The following PIK3C2B variants were observed in gnomAD, a reference collection of about 807,000 sequenced individuals.
PIK3C2B encodes the protein phosphatidylinositol-4-phosphate 3-kinase catalytic subunit type 2 beta.
A neutral mutation model predicts 184.3 loss-of-function variants in PIK3C2B; 83 were observed. The ratio of observed to expected loss-of-function variants is 0.45; its 90% confidence interval spans 0.38 to 0.54. The LOEUF (loss-of-function observed/expected upper bound fraction) is 0.54, where lower values mean the gene tolerates loss of function less well. PIK3C2B is among the 20% of genes least tolerant of loss of function. The pLI is 0.00. For missense variants in PIK3C2B, 1,736 were observed against 2,113.5 expected, an observed-to-expected ratio of 0.82 and a Z score of 3.50; for synonymous variants, 779 against 837.6, an observed-to-expected ratio of 0.93 and a Z score of 1.21.
In PIK3C2B at chr1:204,447,373, C is replaced by T. The variant is rs3827534; in HGVS notation, c.2489+63G>A. On this transcript the variant is annotated intron_variant, in intron 15 of 32. Transcript: ENST00000684373. This position sits in a 1 kb window ranked among gnomAD's most constrained non-coding sequence, Gnocchi z 4.1. ...CACCTCCACTCCCAAAGCAGGAGGA[C>T]GGAGACTCAGTGCTGGGAGGTCAGA... 0.2 allele frequency: 297,741 copies of T among 1,517,326 alleles called. 32,103 individuals carry two copies. The highest frequency in any genetic ancestry group is 0.44 in the East Asian group (19,381 of 43,782). 94.0% of individuals were successfully genotyped at this position (1,517,326 alleles called of 1,614,324 possible). A position where few individuals can be genotyped will look rare whatever the true frequency, so the allele number is the denominator to read the frequency against.
intron 14 of PIK3C2B, among the ~76,000 whole-genome samples, chr1:204,448,001 C>T (rs531665164): frequency 3.1e-4 from 47 of 152,280 alleles, no homozygotes; most frequent in African/African-American, 1.1e-3. Context: ...CTGGGACACT[C>T]GGTCCCTACT....
At chr1:204,446,185 G>A (rs777962996) in intron 15 of PIK3C2B, 41 bp from the exon 16 acceptor site, 3 of 1,437,312 alleles carry the variant, frequency 2.1e-6, no homozygotes, top group East Asian at 4.7e-5. Context: ...GGGAGGGTAG[G>A]GGGCAGTGAG....
At chr1:204,481,268 CT>C (rs59090154) in intron 1 of PIK3C2B, among the ~76,000 whole-genome samples, 9 of 118,734 alleles carry the variant, frequency 7.6e-5, no homozygotes, top group Middle Eastern at 5.0e-3. Flanking sequence ...AGGTCACATT[CT>C]TTTTTTTTTT....
intron 5 of PIK3C2B, among the ~76,000 whole-genome samples, chr1:204,463,108 A>C (rs16853770): frequency 0.18 from 26,961 of 152,046 alleles, 2,778 homozygotes; most frequent in East Asian, 0.47. Flanking sequence ...TGACTGCCAA[A>C]TCTTATGCTC....
At chr1:204,435,325 C>T (rs1675284506) in intron 23 of PIK3C2B, 1 of 152,168 alleles carries the variant, frequency 6.6e-6, no homozygotes, top group South Asian at 2.1e-4. Context: ...ATCCCCTTAT[C>T]TGTCTTTCCA....
Position 204,443,511 on chromosome 1 carries a change from C to G in PIK3C2B, c.2954G>C (p.Gly985Ala). 2 of 1,614,254 alleles carry G rather than the reference C, an allele frequency of 1.2e-6. No homozygotes were observed. Among genetic ancestry groups the G allele is most frequent in the South Asian group, 1.1e-5 (1 of 91,084 alleles). ...CTGGCGGTTAAACTCTTCTCTCAGCCCCTTGCCACAGCAGCACAGTAAGGC... is the reference window on the plus strand; with the variant it reads ...CTGGCGGTTAAACTCTTCTCTCAGCGCCTTGCCACAGCAGCACAGTAAGGC... ...LAALLCCCGK[G>A]LREEFNRQCW... The change falls in exon 19 of 33, where the codon GGG becomes GCG. Residue 985 changes from glycine (G) to alanine (A), a missense_variant. By Grantham distance (60) the Gly-to-Ala change is moderately conservative. Coordinates refer to ENST00000684373, the MANE Select transcript of PIK3C2B (RefSeq NM_001377334.1).
rs1177006010 is a variant in PIK3C2B at position 204,469,137 on chromosome 1, T to C, written c.666A>G (p.Leu222=). 1 of 1,614,002 alleles carries C rather than the reference T, an allele frequency of 6.2e-7. No homozygotes were observed. Among genetic ancestry groups the C allele is most frequent in the Non-Finnish European group, 8.5e-7 (1 of 1,180,018 alleles). ...TACCATCATAGTCCACAGACCCCAG[T>C]AGGCGCCCCTGACCCCCACCTCCCA... ...EVLGGGGQGR[L]LGSVDYDGIN... The change falls in exon 2 of 33, where the codon CTA becomes CTG. Residue 222 remains leucine, a synonymous_variant. Coordinates refer to ENST00000684373, the MANE Select transcript of PIK3C2B (RefSeq NM_001377334.1).
intron 13 of PIK3C2B, 35 bp from the exon 14 acceptor site, chr1:204,449,331 G>C: frequency 1.3e-6 from 2 of 1,500,900 alleles, no homozygotes; most frequent in Non-Finnish European, 1.8e-6. Flanking sequence ...AGCTGCTAAA[G>C]TGGCTAAGCA....
intron 23 of PIK3C2B, among the ~76,000 whole-genome samples, 175 bp from the exon 24 acceptor site, chr1:204,434,783 A>G (rs1325478621): frequency 1.3e-5 from 2 of 152,190 alleles, no homozygotes; most frequent in African/African-American, 4.8e-5. Context: ...ACACACTTAC[A>G]CACACAGAAA....
At chr1:204,472,899 C>T (rs1461870484) in intron 1 of PIK3C2B, among the ~76,000 whole-genome samples, 2 of 152,202 alleles carry the variant, frequency 1.3e-5, no homozygotes, top group Non-Finnish European at 2.9e-5. Flanking sequence ...AGCCCAACCT[C>T]AGAACTGTGG....
At chr1:204,440,765 T>TTATATATATATATA (rs34842826) in intron 21 of PIK3C2B, among the ~76,000 whole-genome samples, 10 of 140,058 alleles carry the variant, frequency 7.1e-5, no homozygotes, top group African/African-American at 2.6e-4. Flanking sequence ...CCCAGCTAAT[T>TTATATATATATATA]TATATATATA....
At chr1:204,474,255 T>A (rs946498270) in intron 1 of PIK3C2B, among the ~76,000 whole-genome samples, 1 of 152,218 alleles carries the variant, frequency 6.6e-6, no homozygotes, top group African/African-American at 2.4e-5. Context: ...CCCCCCAAAG[T>A]GCTGGGATTA....
intron 2 of PIK3C2B, among the ~76,000 whole-genome samples, chr1:204,465,647 C>A (rs1049478790): frequency 5.4e-5 from 8 of 147,168 alleles, no homozygotes; most frequent in Non-Finnish European, 1.1e-4. Flanking sequence ...GCAACACGGG[C>A]TTTCCGGGGG....
intron 2 of PIK3C2B, among the ~76,000 whole-genome samples, chr1:204,466,183 G>A (rs115223368): frequency 0.015 from 2,301 of 152,302 alleles, 47 homozygotes; most frequent in African/African-American, 0.05. Flanking sequence ...TGCATGACAG[G>A]TTTCTGCCTG....
At chr1:204,461,843 T>A (rs1272765738) in intron 5 of PIK3C2B, among the ~76,000 whole-genome samples, 1 of 152,006 alleles carries the variant, frequency 6.6e-6, no homozygotes, top group African/African-American at 2.4e-5. Flanking sequence ...GGTTCTTATC[T>A]GAGAGCAGCC....
At chr1:204,484,467 G>A (rs976614173) in intron 1 of PIK3C2B, among the ~76,000 whole-genome samples, 9 of 152,128 alleles carry the variant, frequency 5.9e-5, no homozygotes, top group South Asian at 4.1e-4. Context: ...GGCCGGGCGC[G>A]GTGGCTCACT....
Position 204,425,656 on chromosome 1 carries a change from G to C in PIK3C2B, c.4673C>G (p.Thr1558Ser). The C allele has an allele frequency of 6.2e-7, 1 of 1,614,082 alleles. No individual in the cohort carries two copies. The stretch of plus-strand genomic sequence containing the variant: ...ATTGCAGGTTTTCCGGGCCACTTTG[G>C]TTTTCCTCTTAGTGGTTTTCTGAGG... The part of the protein sequence containing the change: ...PDPQKTTKRK[T>S]KVARKTCNPT... The change falls in exon 32 of 33, where the codon ACC (threonine) becomes AGC (serine). Residue 1558 changes from threonine to serine, a missense_variant. Physicochemically the swap from Thr to Ser is moderately conservative, Grantham distance 58 (BLOSUM62 1). Around this residue, in one of 8 missense-constraint regions of PIK3C2B, gnomAD observed 95 missense variants for 164.2 expected, o/e 0.58. Transcript: ENST00000684373.
In PIK3C2B at chr1:204,424,912, G is replaced by C. The variant is rs754750718; in HGVS notation, c.4845C>G (p.Asp1615Glu). ...ACCAGCCGGTCTTCTCCTGAGCCAG[G>C]TCCAGCTCTCGCAGGCGGATGTTCA... The part of the protein sequence containing the change: ...GEVNIRLREL[D>E]LAQEKTGWFA... The change falls in exon 33 of 33, where the codon GAC becomes GAG. Residue 1615 changes from aspartate to glutamate, a missense_variant. By Grantham distance (45) the Asp-to-Glu change is conservative. Around this residue, in one of 8 missense-constraint regions of PIK3C2B, gnomAD observed 95 missense variants for 164.2 expected, o/e 0.58. Coordinates refer to ENST00000684373, the MANE Select transcript of PIK3C2B (RefSeq NM_001377334.1). The C allele has an allele frequency of 6.2e-7, 1 of 1,614,218 alleles. No homozygotes were observed. The highest frequency in any genetic ancestry group is 8.5e-7 in the Non-Finnish European group (1 of 1,180,044).
chr1:204,460,465 C>G (rs543010300), intron 6 of PIK3C2B, 62 bp from the exon 7 acceptor site: 1 of 1,533,646 alleles, frequency 6.5e-7, no homozygotes, highest in Non-Finnish European at 9.0e-7. Flanking sequence ...AGCACTCCTA[C>G]CCCCCTCCCA....
Sources: allele counts gnomAD v4.1 joint callset (sites outside exome capture counted in the v4.1 genomes callset), GRCh38; gene constraint gnomAD v4.1.1; regional missense constraint gnomAD v4.1.1; non-coding constraint Gnocchi (gnomAD v3.1); transcripts MANE v1.5; gene names NCBI Gene and HGNC (gene_info 2026-07-23, HGNC 2026-07-21).